NCOA5: variants seen among roughly 807,000 people sequenced by gnomAD.
NCOA5 encodes the protein nuclear receptor coactivator 5.
In NCOA5, 12 loss-of-function variants were observed where a neutral mutation model predicts 59.0. The observed-to-expected ratio is 0.20, with a 90% CI of 0.13 to 0.33. The LOEUF (loss-of-function observed/expected upper bound fraction) is 0.33, where lower values mean the gene tolerates loss of function less well. Ranked by LOEUF, NCOA5 falls within the 10% of genes least tolerant of loss-of-function variation. The pLI is 1.00. For synonymous variants in NCOA5, 270 were observed against 275.5 expected, an observed-to-expected ratio of 0.98 and a Z score of 0.20; for missense variants, 655 against 766.6, an observed-to-expected ratio of 0.85 and a Z score of 1.72.
At chr20:46,087,275 A>G (rs1600636989) in intron 1 of NCOA5, among the ~76,000 whole-genome samples, 1 of 152,214 alleles carries the variant, frequency 6.6e-6, no homozygotes, top group Non-Finnish European at 1.5e-5. Context: ...AAAGTTTAAT[A>G]TATTTCTTGT....
chr20:46,086,260 A>G (rs1202373139), intron 1 of NCOA5, among the ~76,000 whole-genome samples: 5 of 152,182 alleles, frequency 3.3e-5, no homozygotes, highest in Admixed American at 6.5e-5. Flanking sequence ...TCCTTGCCTA[A>G]AGTTGTCTGG....
chr20:46,065,640 G>A (rs2084815329), intron 5 of NCOA5, among the ~76,000 whole-genome samples: 1 of 152,208 alleles, frequency 6.6e-6, no homozygotes, highest in Non-Finnish European at 1.5e-5. Flanking sequence ...TGAAGCTTAA[G>A]CAAGTCCATT....
intron 1 of NCOA5, among the ~76,000 whole-genome samples, chr20:46,082,023 AT>A (rs946578409): frequency 4.0e-5 from 6 of 151,784 alleles, no homozygotes; most frequent in Non-Finnish European, 5.9e-5. Flanking sequence ...CCCTCATCCT[AT>A]TTTTTTTGTC....
chr20:46,082,711 C>A (rs534768843), intron 1 of NCOA5, among the ~76,000 whole-genome samples: 2 of 152,188 alleles, frequency 1.3e-5, no homozygotes, highest in East Asian at 1.9e-4. Context: ...TCTATAGTGT[C>A]CAAGTGGTGG....
intron 1 of NCOA5, among the ~76,000 whole-genome samples, chr20:46,089,054 T>A (rs1030157809): frequency 1.3e-5 from 2 of 152,242 alleles, no homozygotes; most frequent in Non-Finnish European, 2.9e-5. Context: ...GCAGTACAGA[T>A]GGTCCACGGA....
At chr20:46,078,566 C>T (rs1340396458) in intron 2 of NCOA5, among the ~76,000 whole-genome samples, 1 of 152,172 alleles carries the variant, frequency 6.6e-6, no homozygotes, top group Non-Finnish European at 1.5e-5. Context: ...GAAGAGACAC[C>T]AGATATGAAA....
At chr20:46,076,366 A>G (rs541045877) in intron 2 of NCOA5, among the ~76,000 whole-genome samples, 1 of 152,230 alleles carries the variant, frequency 6.6e-6, no homozygotes, top group East Asian at 1.9e-4. Flanking sequence ...CAGTTAAATG[A>G]TTTGCCCCTT....
chr20:46,068,619 G>A lies in NCOA5; in HGVS notation c.385C>T (p.Arg129Ter). 2 of 1,611,492 alleles carry A rather than the reference G, an allele frequency of 1.2e-6. No individual in the cohort carries two copies. Among genetic ancestry groups the A allele is most frequent in the Non-Finnish European group, 1.7e-6 (2 of 1,179,060 alleles). Residue 129 changes from arginine (R) to a stop codon, truncating the protein, a stop_gained, in exon 4 of 8, where the codon CGA becomes TGA. Transcript: ENST00000290231. LOFTEE classifies it high-confidence loss of function. ...PMYRREGSYD[R>*]YLRMDDYCRR... ...CAATAGTCATCCATTCGTAGGTATC[G>A]GTCATAAGAGCCTTCTCTCCTGAAA... is the stretch of plus-strand genomic sequence containing the variant.
intron 7 of NCOA5, 117 bp from the exon 8 acceptor site, chr20:46,063,006 A>G: frequency 5.8e-6 from 5 of 863,078 alleles, no homozygotes; most frequent in Admixed American, 3.1e-5. Context: ...TACACAGACG[A>G]TAACATCAAT....
At chr20:46,068,733 A>G (rs1025713622) in intron 3 of NCOA5, 95 bp from the exon 4 acceptor site, 11 of 1,230,100 alleles carry the variant, frequency 8.9e-6, no homozygotes, top group East Asian at 2.4e-5. Context: ...AATGAGGTTT[A>G]TATCTGGGAC....
rs975406991 is a variant in NCOA5, at chr20:46,062,024, C to T, written c.*276G>A. 1 of 279,678 alleles carries T rather than the reference C, an allele frequency of 3.6e-6. No homozygotes were observed. The highest frequency in any genetic ancestry group is 6.7e-6 in the Non-Finnish European group (1 of 148,502). The allele number at this position is 279,678 out of a possible 1,614,324, so 17.3% of individuals were successfully genotyped here. ...GTAGAAACAGGGACCGGAGAAACCC[C>T]ATCAAATACAAGCCCAGACACCTGT... On this transcript the variant is annotated 3_prime_UTR_variant, in exon 8 of 8. Transcript: ENST00000290231.
intron 5 of NCOA5, 54 bp downstream of exon 5, chr20:46,067,001 C>T: frequency 1.3e-6 from 2 of 1,594,130 alleles, no homozygotes; most frequent in Non-Finnish European, 1.7e-6. Flanking sequence ...AAACAGGAGC[C>T]TGAATTTCTC....
chr20:46,067,577 GA>G (rs35128577), intron 4 of NCOA5, among the ~76,000 whole-genome samples: 10 of 150,618 alleles, frequency 6.6e-5, no homozygotes, highest in Non-Finnish European at 1.5e-4. Flanking sequence ...TTTTTTTGGG[GA>G]AAAAATCAAG....
In NCOA5 at chr20:46,062,252, G is replaced by C; in HGVS notation, c.*48C>G. The C allele has an allele frequency of 1.4e-6, 2 of 1,455,392 alleles. No homozygotes were observed. The highest frequency in any genetic ancestry group is 2.3e-5 in the East Asian group (1 of 43,634). The allele number at this position is 1,455,392 out of a possible 1,614,324, so 90.2% of individuals were successfully genotyped here. A position where few individuals can be genotyped will look rare whatever the true frequency, so the allele number is the denominator to read the frequency against. ...AGCTCTATTTAGAACAAGTAAGTGG[G>C]AGGAGGCCAGGGGATGAGGGGACTG... On this transcript the variant is annotated 3_prime_UTR_variant, in exon 8 of 8. Transcript: ENST00000290231.
In NCOA5 at chr20:46,062,531, A is replaced by T; in HGVS notation, c.1509T>A (p.Ala503=). 1 of 1,614,152 alleles carries T rather than the reference A, an allele frequency of 6.2e-7. No individual in the cohort carries two copies. Among genetic ancestry groups the T allele is most frequent in the Non-Finnish European group, 8.5e-7 (1 of 1,180,010 alleles). The change falls in exon 8 of 8, where the codon GCT becomes GCA. Residue 503 remains alanine (A), a synonymous_variant. Transcript: ENST00000290231. The stretch of plus-strand genomic sequence containing the variant: ...GCTGGCCAAAAAGCCCTTGGGAAGG[A>T]GCCCCAGGTCTGGGGCCCATGTTCT... The part of the protein sequence containing the change: ...SAQNMGPRPG[A]PSQGLFGQPS...
At chr20:46,071,699 C>T (rs2084884689) in intron 2 of NCOA5, among the ~76,000 whole-genome samples, 1 of 152,150 alleles carries the variant, frequency 6.6e-6, no homozygotes, top group Non-Finnish European at 1.5e-5. Flanking sequence ...TAATCTATCT[C>T]AATAGTTTTA....
intron 2 of NCOA5, among the ~76,000 whole-genome samples, chr20:46,073,700 T>A (rs1416017128): frequency 2.0e-5 from 3 of 152,234 alleles, no homozygotes; most frequent in Non-Finnish European, 4.4e-5. Flanking sequence ...AGCCTTGGGC[T>A]GGTGGAAATC....
chr20:46,063,714 C>G, intron 6 of NCOA5, 34 bp from the exon 7 acceptor site: 2 of 1,591,970 alleles, frequency 1.3e-6, no homozygotes, highest in South Asian at 2.3e-5. Flanking sequence ...TATTTTCTTC[C>G]ATGACATATT....
At position 46,063,675 on chromosome 20, in the gene NCOA5, G is replaced by A. The variant is rs1389676572; in HGVS notation, c.835C>T (p.Arg279Cys). 4 of 1,613,194 alleles carry A rather than the reference G, an allele frequency of 2.5e-6. No homozygotes were observed. The highest frequency in any genetic ancestry group is 1.3e-5 in the African/African-American group (1 of 74,868). Residue 279 changes from arginine (R) to cysteine (C), a missense_variant, in exon 7 of 8, where the codon CGC becomes TGC. Coordinates refer to ENST00000290231, the MANE Select transcript of NCOA5 (RefSeq NM_020967.3). ...NIMFGTPQEH[R>C]NMPQADAMVL... ...ATGGCATCTGCTTGGGGCATGTTGC[G>A]ATGCTCTGTAGGAGGAAATGACATG...
Sources: allele counts gnomAD v4.1 joint callset (sites outside exome capture counted in the v4.1 genomes callset), GRCh38; gene constraint gnomAD v4.1.1; transcripts MANE v1.5; gene names NCBI Gene and HGNC (gene_info 2026-07-23, HGNC 2026-07-21).